DAB1: variants seen among roughly 807,000 people sequenced by gnomAD.
DAB1 encodes DAB adaptor protein 1.
A neutral mutation model predicts 64.6 loss-of-function variants in DAB1; 15 were observed. The observed-to-expected ratio is 0.23, with a 90% CI of 0.16 to 0.36. The LOEUF (loss-of-function observed/expected upper bound fraction) is 0.36, where lower values mean the gene tolerates loss of function less well. DAB1 is among the 10% of genes least tolerant of loss of function. DAB1 has a pLI of 1.00. For missense variants in DAB1, 596 were observed against 706.7 expected (o/e 0.84, Z 1.78); for synonymous variants, 235 against 251.9 (o/e 0.93, Z 0.64).
intron 5 of DAB1, among the ~76,000 whole-genome samples, chr1:58,013,694 T>C (rs1404402157): frequency 6.6e-6 from 1 of 152,112 alleles, no homozygotes; most frequent in East Asian, 1.9e-4. Flanking sequence ...ACTTGAATAA[T>C]ATGAATAATA....
rs929127594 is a variant in DAB1, at chr1:57,254,619, T to C, written c.67+36345A>G. ...TTTACACAAAGATGCGTATGTACCA[T>C]GGCTAACCTCCTAAAAACACTCCAC... is the stretch of plus-strand genomic sequence containing the variant. On this transcript the variant is annotated intron_variant, in intron 2 of 14. Transcript: ENST00000371236. Among the ~76,000 whole-genome samples the C allele has an allele frequency of 2.0e-5, 3 of 150,842 alleles. No homozygotes were observed. The East Asian group carries it at 5.8e-4, about 29-fold the overall frequency.
intron 2 of DAB1, among the ~76,000 whole-genome samples, chr1:57,209,554 C>A (rs924349385): frequency 6.6e-6 from 1 of 152,166 alleles, no homozygotes; most frequent in African/African-American, 2.4e-5. Flanking sequence ...CTACTCCACA[C>A]CTTTGTTTTT....
intron 5 of DAB1, among the ~76,000 whole-genome samples, chr1:57,898,795 G>A (rs1048620556): frequency 6.6e-6 from 1 of 152,160 alleles, no homozygotes; most frequent in African/African-American, 2.4e-5. Context: ...AAAGTGCTAG[G>A]ACATATAACC....
intron 4 of DAB1, among the ~76,000 whole-genome samples, chr1:57,136,113 C>A (rs1658057092): frequency 6.6e-6 from 1 of 152,114 alleles, no homozygotes; most frequent in African/African-American, 2.4e-5. Flanking sequence ...TCCATTTATT[C>A]TTTTTGATTA....
intron 1 of DAB1, among the ~76,000 whole-genome samples, chr1:57,359,524 G>T (rs1209700795): frequency 6.6e-6 from 1 of 152,030 alleles, no homozygotes; most frequent in Non-Finnish European, 1.5e-5. Context: ...GTGGAAAACA[G>T]TATGGGGGTT....
chr1:58,497,930 G>A (rs1645832248), intron 3 of DAB1, among the ~76,000 whole-genome samples: 1 of 152,062 alleles, frequency 6.6e-6, no homozygotes, highest in African/African-American at 2.4e-5. Context: ...AGGTATACAG[G>A]AAGTATACAT....
intron 1 of DAB1, among the ~76,000 whole-genome samples, chr1:57,319,189 C>T (rs1271132706): frequency 6.6e-6 from 1 of 152,166 alleles, no homozygotes; most frequent in African/African-American, 2.4e-5. Context: ...GTGTGCTACT[C>T]CCCTTCTCTG....
intron 5 of DAB1, among the ~76,000 whole-genome samples, chr1:58,132,561 C>G (rs906382511): frequency 2.6e-5 from 4 of 152,162 alleles, no homozygotes; most frequent in Non-Finnish European, 5.9e-5. Flanking sequence ...CTCTGAGGAT[C>G]CGCCTGCAGT....
rs1005547693 is a variant in DAB1, at chr1:58,416,328, T to C, written n.258-72925A>G. Among the ~76,000 whole-genome samples the C allele has an allele frequency of 3.3e-5, 5 of 152,162 alleles. 1 individual carries two copies. Among genetic ancestry groups the C allele is most frequent in the African/African-American group, 9.7e-5 (4 of 41,440 alleles). On this transcript the variant is annotated intron_variant and non_coding_transcript_variant, in intron 3 of 20. Coordinates refer to the DAB1 transcript ENST00000485760. ...CCCCAAAGAAAGTTATTTAATACCT[T>C]TGAACCTACGTTTTTCCATTTGGAG...
At chr1:57,183,029 T>C (rs1663144801) in intron 2 of DAB1, among the ~76,000 whole-genome samples, 1 of 152,216 alleles carries the variant, frequency 6.6e-6, no homozygotes, top group Admixed American at 6.5e-5. Context: ...ATAGAAGTTC[T>C]GTCGTAGATG....
chr1:58,265,938 A>G (rs986838859), intron 4 of DAB1, among the ~76,000 whole-genome samples: 3 of 152,194 alleles, frequency 2.0e-5, no homozygotes, highest in South Asian at 2.1e-4. Context: ...CATCAGCCAC[A>G]GAGAGCCAAA....
At chr1:57,559,379 C>A (rs1645025795) in intron 7 of DAB1, among the ~76,000 whole-genome samples, 1 of 152,198 alleles carries the variant, frequency 6.6e-6, no homozygotes, top group Non-Finnish European at 1.5e-5. Flanking sequence ...GCCGGGTCCC[C>A]TTGAGGAAGG....
At chr1:57,087,067 G>T (rs966510506) in intron 4 of DAB1, among the ~76,000 whole-genome samples, 1 of 152,148 alleles carries the variant, frequency 6.6e-6, no homozygotes, top group Non-Finnish European at 1.5e-5. Context: ...GATCTGAGAG[G>T]GCCAGCAAGA....
chr1:56,996,157 T>C lies in DAB1; in HGVS notation c.*1987A>G, dbSNP rs1293979391. 1 of 152,242 alleles carries C rather than the reference T, an allele frequency of 6.6e-6. No homozygotes were observed. Among genetic ancestry groups the C allele is most frequent in the Non-Finnish European group, 1.5e-5 (1 of 68,044 alleles). 9.4% of individuals were successfully genotyped at this position (152,242 alleles called of 1,614,324 possible). A position where few individuals can be genotyped will look rare whatever the true frequency, so the allele number is the denominator to read the frequency against. On this transcript the variant is annotated 3_prime_UTR_variant, in exon 15 of 15. Transcript: ENST00000371236. ...TTTGTGAACAAGTATACAATCATTT[T>C]TCAAATGAATCTCCCAAATCATTTT...
chr1:58,531,104 A>G lies in DAB1; in HGVS notation n.33-3769T>C, dbSNP rs1646427967. ...GCCCAGATTTGCACAGCTATTACTA[A>G]AAGGACCAGAAATCAAACCCGGTCA... is the stretch of plus-strand genomic sequence containing the variant. On this transcript the variant is annotated intron_variant and non_coding_transcript_variant, in intron 1 of 20. Coordinates refer to the DAB1 transcript ENST00000485760. Among the ~76,000 whole-genome samples, 5 of 152,232 alleles carry G rather than the reference A, an allele frequency of 3.3e-5. 1 individual carries two copies. In the South Asian group the frequency reaches 1.0e-3, roughly 32 times the overall value.
intron 1 of DAB1, among the ~76,000 whole-genome samples, chr1:58,537,101 C>T (rs914784033): frequency 1.3e-5 from 2 of 149,222 alleles, no homozygotes; most frequent in African/African-American, 2.5e-5. Flanking sequence ...TATATATATA[C>T]CATCTCATTT....
At chr1:57,554,676 A>G (rs1370954565) in intron 7 of DAB1, among the ~76,000 whole-genome samples, 1 of 152,246 alleles carries the variant, frequency 6.6e-6, no homozygotes, top group Non-Finnish European at 1.5e-5. Context: ...TGTCACACAC[A>G]TATAATAATG....
intron 1 of DAB1, among the ~76,000 whole-genome samples, chr1:57,365,398 A>C (rs1679914765): frequency 6.9e-6 from 1 of 145,632 alleles, no homozygotes; most frequent in African/African-American, 2.5e-5. Flanking sequence ...ATATAAATAT[A>C]TATAAAGAAG....
At chr1:58,125,650 T>C (rs144499404) in intron 5 of DAB1, among the ~76,000 whole-genome samples, 1,552 of 152,202 alleles carry the variant, frequency 0.01, 8 homozygotes, top group South Asian at 0.031. Context: ...GCCACTGTAT[T>C]GCCCAGGCTG....
Sources: gnomAD v4.1 joint callset for allele counts (sites outside exome capture counted in the v4.1 genomes callset) on GRCh38, gnomAD v4.1.1 for gene constraint, MANE v1.5 for transcripts, NCBI Gene and HGNC (gene_info 2026-07-23, HGNC 2026-07-21) for gene names.